CACNA1D: variants seen among roughly 807,000 people sequenced by gnomAD.
CACNA1D encodes the protein voltage-dependent L-type calcium channel subunit alpha-1D.
A neutral mutation model predicts 257.1 loss-of-function variants in CACNA1D; 55 were observed. The observed-to-expected ratio is 0.21, with a 90% CI of 0.17 to 0.27. The LOEUF (loss-of-function observed/expected upper bound fraction) is 0.27, where lower values mean the gene tolerates loss of function less well. Among genes scored for constraint, CACNA1D ranks in the 10% least tolerant of loss-of-function variants. CACNA1D has a pLI of 1.00. For synonymous variants in CACNA1D, 980 were observed against 1,014.9 expected, an observed-to-expected ratio of 0.97 and a Z score of 0.65; for missense variants, 1,876 against 2,784.0, an observed-to-expected ratio of 0.67 and a Z score of 7.34.
intron 3 of CACNA1D, among the ~76,000 whole-genome samples, chr3:53,571,528 A>G (rs2092943400): frequency 6.6e-6 from 1 of 151,682 alleles, no homozygotes; most frequent in Admixed American, 6.6e-5. Context: ...TTTGGCCAGG[A>G]TCCCGTAGTC....
intron 46 of CACNA1D, chr3:53,809,753 A>C (rs920290781): frequency 3.4e-6 from 2 of 585,144 alleles, no homozygotes; most frequent in Non-Finnish European, 6.1e-6. Flanking sequence ...GAAAAGCCAA[A>C]GGAAATGCAT....
intron 40 of CACNA1D, among the ~76,000 whole-genome samples, chr3:53,794,190 T>C (rs567933222): frequency 6.6e-6 from 1 of 152,328 alleles, no homozygotes; most frequent in African/African-American, 2.4e-5. Flanking sequence ...TGTGACGTAG[T>C]AGTAAAAGGT....
intron 8 of CACNA1D, among the ~76,000 whole-genome samples, chr3:53,685,457 TAATA>T (rs2094466017): frequency 6.6e-6 from 1 of 152,182 alleles, no homozygotes; most frequent in Non-Finnish European, 1.5e-5. Context: ...TTAGATTGGT[TAATA>T]AATTCAGCCA....
intron 45 of CACNA1D, among the ~76,000 whole-genome samples, chr3:53,806,690 C>T (rs1336215421): frequency 1.3e-5 from 2 of 152,228 alleles, no homozygotes; most frequent in Non-Finnish European, 2.9e-5. Context: ...AAGAGCACCA[C>T]TGGGAGGTGC....
At chr3:53,532,579 C>A (rs1447506361) in intron 3 of CACNA1D, among the ~76,000 whole-genome samples, 1 of 152,204 alleles carries the variant, frequency 6.6e-6, no homozygotes, top group Non-Finnish European at 1.5e-5. Context: ...GGTACTGGAA[C>A]TTTATCATGT....
At chr3:53,698,915 G>A (rs1424858509) in intron 8 of CACNA1D, among the ~76,000 whole-genome samples, 1 of 151,094 alleles carries the variant, frequency 6.6e-6, no homozygotes, top group African/African-American at 2.4e-5. Flanking sequence ...AACAGTTGTT[G>A]GATTTTTAGT....
intron 10 of CACNA1D, chr3:53,718,601 C>CCCCCCCCAG: frequency 9.1e-7 from 1 of 1,103,194 alleles, no homozygotes; most frequent in Non-Finnish European, 1.3e-6. Context: ...CCCCCCGGCC[C>CCCCCCCCAG]AGCATTTCAC....
chr3:53,744,890 C>T, intron 23 of CACNA1D, 63 bp downstream of exon 23: 5 of 898,192 alleles, frequency 5.6e-6, no homozygotes, highest in Admixed American at 1.7e-5. Context: ...ATTACTGGCT[C>T]TTCTGGGCAG....
At position 53,555,437 on chromosome 3, in the gene CACNA1D, G is replaced by GTGTGT. The variant is rs2092620730; in HGVS notation, c.483+53717_483+53718insTGTGT. ...TGCTCTCTGGCTGCTTTTTCTGGTG[G>GTGTGT]GTGTGTGTGTGTGTGTGTGTGTGTT... On this transcript the variant is annotated intron_variant, in intron 3 of 47. Coordinates refer to ENST00000350061, the MANE Select transcript of CACNA1D (RefSeq NM_001128840.3). 9.8e-5 allele frequency among the ~76,000 whole-genome samples: 12 copies of GTGTGT among 122,920 alleles called. 1 individual carries two copies. Among genetic ancestry groups the GTGTGT allele is most frequent in the African/African-American group, 3.7e-4 (11 of 29,358 alleles). 80.6% of individuals were successfully genotyped at this position (122,920 alleles called of 152,430 possible).
intron 14 of CACNA1D, 68 bp from the exon 15 acceptor site, chr3:53,726,811 A>T: frequency 6.2e-7 from 1 of 1,610,678 alleles, no homozygotes; most frequent in African/African-American, 1.3e-5. Context: ...GCAGCCACCG[A>T]GGGGCTCTAA....
chr3:53,604,357 TGGA>T (rs1167266014), intron 3 of CACNA1D, among the ~76,000 whole-genome samples: 13 of 151,400 alleles, frequency 8.6e-5, no homozygotes, highest in Non-Finnish European at 1.8e-4. Flanking sequence ...AGATGGGGAG[TGGA>T]GCTCAGTAGA....
intron 4 of CACNA1D, among the ~76,000 whole-genome samples, chr3:53,653,857 A>G (rs543262607): frequency 1.9e-5 from 2 of 105,112 alleles, no homozygotes; most frequent in African/African-American, 8.1e-5. Flanking sequence ...CCTGAGCAAA[A>G]TAAACATGAA....
At chr3:53,511,765 T>TA (rs1477425142) in intron 3 of CACNA1D, among the ~76,000 whole-genome samples, 1 of 152,198 alleles carries the variant, frequency 6.6e-6, no homozygotes, top group African/African-American at 2.4e-5. Context: ...AAGCATTTAT[T>TA]ACGGGTAAAA....
intron 3 of CACNA1D, among the ~76,000 whole-genome samples, chr3:53,622,760 A>G (rs906223720): frequency 2.6e-5 from 4 of 152,248 alleles, no homozygotes; most frequent in Admixed American, 1.3e-4. Context: ...AAAAAGGTAG[A>G]AACAGCATAG....
rs1309981128 is a variant in CACNA1D, at chr3:53,673,811, T to A, written c.1220+685T>A. On this transcript the variant is annotated intron_variant, in intron 8 of 47. Transcript: ENST00000350061. This position sits in a 1 kb window ranked among gnomAD's most constrained non-coding sequence, Gnocchi z 4.1. ...TCCTTAACCTGGTTCTTGGTGTCCTTAGTGGGTAAGCAGTCGGATCCGTGT... is the reference window on the plus strand; with the variant it reads ...TCCTTAACCTGGTTCTTGGTGTCCTAAGTGGGTAAGCAGTCGGATCCGTGT... The A allele has an allele frequency of 3.1e-6, 5 of 1,608,468 alleles. No homozygotes were observed. Among genetic ancestry groups the A allele is most frequent in the Non-Finnish European group, 4.3e-6 (5 of 1,174,926 alleles).
chr3:53,567,112 G>T (rs2092857155), intron 3 of CACNA1D, among the ~76,000 whole-genome samples: 1 of 152,120 alleles, frequency 6.6e-6, no homozygotes, highest in Non-Finnish European at 1.5e-5. Context: ...CGATAATCTT[G>T]GTGAGAAAAG....
At position 53,811,415 on chromosome 3, in the gene CACNA1D, G is replaced by A. The variant is rs763283755; in HGVS notation, c.*9G>A. On this transcript the variant is annotated 3_prime_UTR_variant, in exon 48 of 48. Transcript: ENST00000350061. This position sits in a 1 kb window ranked among gnomAD's most constrained non-coding sequence, Gnocchi z 4.2. ...GCATCACCACCTTGTAGCCCCCAGCGAGGGGCAGACTGGCTCTGGCCTCAG... is the reference window on the plus strand; with the variant it reads ...GCATCACCACCTTGTAGCCCCCAGCAAGGGGCAGACTGGCTCTGGCCTCAG... 5.1e-5 allele frequency: 78 copies of A among 1,542,776 alleles called. No homozygotes were observed. The highest frequency in any genetic ancestry group is 2.2e-4 in the Middle Eastern group (1 of 4,632).
intron 30 of CACNA1D, among the ~76,000 whole-genome samples, chr3:53,766,661 C>T (rs545353327): frequency 4.6e-5 from 7 of 152,264 alleles, no homozygotes; most frequent in Admixed American, 1.3e-4. Context: ...GGAAGAGGCT[C>T]GAGGGAACAT....
At chr3:53,656,368 C>A (rs1298282393) in intron 4 of CACNA1D, among the ~76,000 whole-genome samples, 1 of 152,078 alleles carries the variant, frequency 6.6e-6, no homozygotes, top group African/African-American at 2.4e-5. Flanking sequence ...TTGCTTTGGG[C>A]AGTATGGCTA....
Sources: allele counts gnomAD v4.1 joint callset (sites outside exome capture counted in the v4.1 genomes callset), GRCh38; gene constraint gnomAD v4.1.1; non-coding constraint Gnocchi (gnomAD v3.1); transcripts MANE v1.5; gene names NCBI Gene and HGNC (gene_info 2026-07-23, HGNC 2026-07-21).